The following EXOC4 variants were observed in gnomAD, a reference collection of about 807,000 sequenced individuals.
EXOC4 encodes the protein SEC8-like 1.
Under a neutral mutation model 107.2 loss-of-function variants are expected in EXOC4, and 71 were observed. The ratio of observed to expected loss-of-function variants is 0.66; its 90% CI spans 0.55 to 0.81. The LOEUF (loss-of-function observed/expected upper bound fraction) is 0.81, where lower values mean the gene tolerates loss of function less well. Among genes scored for constraint, EXOC4 ranks in the 30% least tolerant of loss-of-function variants. EXOC4 has a pLI of 0.00. For synonymous variants in EXOC4, 456 were observed against 441.2 expected (o/e 1.03, Z -0.42); for missense variants, 1,108 against 1,189.6 (o/e 0.93, Z 1.01).
intron 13 of EXOC4, among the ~76,000 whole-genome samples, chr7:133,922,730 C>G (rs901915509): frequency 2.0e-5 from 3 of 151,910 alleles, no homozygotes; most frequent in Non-Finnish European, 4.4e-5. Flanking sequence ...TGCCTGTAGT[C>G]CCCAGCTACT....
At chr7:133,736,532 G>C (rs1585112312) in intron 10 of EXOC4, among the ~76,000 whole-genome samples, 1 of 152,102 alleles carries the variant, frequency 6.6e-6, no homozygotes, top group Non-Finnish European at 1.5e-5. Flanking sequence ...CCTCCTAAAG[G>C]TTACATCAAC....
intron 7 of EXOC4, among the ~76,000 whole-genome samples, chr7:133,377,860 T>C (rs1417009064): frequency 1.3e-5 from 2 of 152,174 alleles, no homozygotes; most frequent in Admixed American, 1.3e-4. Context: ...TCAATGTATG[T>C]CAATCTAAGA....
chr7:133,683,345 T>C (rs1313222130), intron 10 of EXOC4, among the ~76,000 whole-genome samples: 1 of 152,190 alleles, frequency 6.6e-6, no homozygotes, highest in Non-Finnish European at 1.5e-5. Context: ...CAGTTTATTC[T>C]ACGTCTGACT....
intron 10 of EXOC4, among the ~76,000 whole-genome samples, chr7:133,755,243 A>ATATATT (rs1491326726): frequency 3.3e-5 from 3 of 91,064 alleles, no homozygotes; most frequent in Non-Finnish European, 6.5e-5. Context: ...TAATATATAT[A>ATATATT]ATATATATAT....
At chr7:133,803,289 C>T (rs1796990953) in intron 10 of EXOC4, among the ~76,000 whole-genome samples, 1 of 152,032 alleles carries the variant, frequency 6.6e-6, no homozygotes. Flanking sequence ...TTGAATTTTT[C>T]CATTACTTTG....
chr7:133,970,117 A>G (rs1257145530), intron 14 of EXOC4, among the ~76,000 whole-genome samples: 10 of 152,018 alleles, frequency 6.6e-5, no homozygotes, highest in Non-Finnish European at 1.3e-4. Flanking sequence ...GTCCAGTTCA[A>G]ACTTCCCAGT....
intron 14 of EXOC4, among the ~76,000 whole-genome samples, chr7:133,954,058 G>A (rs561532449): frequency 7.9e-5 from 12 of 152,308 alleles, no homozygotes; most frequent in African/African-American, 1.9e-4. Flanking sequence ...TATGTTCCAG[G>A]TGAAGTAGAT....
At chr7:133,421,552 A>G (rs1797607761) in intron 7 of EXOC4, among the ~76,000 whole-genome samples, 2 of 152,208 alleles carry the variant, frequency 1.3e-5, no homozygotes, top group Non-Finnish European at 2.9e-5. Context: ...TTATGGAGAA[A>G]GAGGGCCCAC....
chr7:133,389,403 T>A (rs1242679432), intron 7 of EXOC4, among the ~76,000 whole-genome samples: 1 of 151,824 alleles, frequency 6.6e-6, no homozygotes, highest in Admixed American at 6.6e-5. Context: ...AAACCCTGTC[T>A]CTACTAAAAA....
At chr7:133,810,640 A>ATTTTG (rs1402240732) in intron 10 of EXOC4, among the ~76,000 whole-genome samples, 2 of 147,594 alleles carry the variant, frequency 1.4e-5, no homozygotes, top group African/African-American at 5.1e-5. Context: ...ATTTTATTTT[A>ATTTTG]TTTTATTTTT....
intron 17 of EXOC4, among the ~76,000 whole-genome samples, chr7:134,038,194 A>C (rs142902405): frequency 6.6e-6 from 1 of 152,338 alleles, no homozygotes; most frequent in East Asian, 1.9e-4. Flanking sequence ...GTCTGAACTC[A>C]TTCAACTGAG....
intron 7 of EXOC4, among the ~76,000 whole-genome samples, chr7:133,386,401 A>G (rs1201490951): frequency 1.3e-5 from 2 of 152,116 alleles, no homozygotes; most frequent in African/African-American, 4.8e-5. Context: ...TTTCTCTTGT[A>G]TATCTTGCTT....
chr7:133,270,384 AT>A (rs1399356459), intron 1 of EXOC4, among the ~76,000 whole-genome samples: 1 of 152,222 alleles, frequency 6.6e-6, no homozygotes, highest in African/African-American at 2.4e-5. Flanking sequence ...TGCCTGGCAC[AT>A]AGTAAGTTCT....
intron 10 of EXOC4, among the ~76,000 whole-genome samples, chr7:133,661,678 AAAAAAAAAAAC>A (rs1386314255): frequency 1.8e-5 from 2 of 108,666 alleles, no homozygotes; most frequent in African/African-American, 3.4e-5. Flanking sequence ...AAACTAAAAA[AAAAAAAAAAAC>A]AAAAAAAAAA....
intron 5 of EXOC4, among the ~76,000 whole-genome samples, chr7:133,341,138 C>T (rs188174145): frequency 3.3e-5 from 5 of 152,158 alleles, no homozygotes. Flanking sequence ...TCTATTTGTG[C>T]TCTTTCAGAC....
chr7:133,945,116 A>T (rs181103357), intron 14 of EXOC4, among the ~76,000 whole-genome samples: 2 of 152,294 alleles, frequency 1.3e-5, no homozygotes, highest in East Asian at 3.9e-4. Flanking sequence ...ATACTGATGT[A>T]GAGATTTTGA....
chr7:133,635,910 C>T (rs1448163816), intron 10 of EXOC4, among the ~76,000 whole-genome samples: 1 of 152,144 alleles, frequency 6.6e-6, no homozygotes, highest in African/African-American at 2.4e-5. Context: ...TAATTACCTC[C>T]TTTAGAGAAT....
intron 4 of EXOC4, among the ~76,000 whole-genome samples, chr7:133,314,701 C>CA (rs1794950244): frequency 6.6e-6 from 1 of 152,102 alleles, no homozygotes; most frequent in Non-Finnish European, 1.5e-5. Context: ...AGTGTGCACA[C>CA]ACATAGTAAC....
At chr7:134,085,395 A>T in the EXOC4 span, among the ~76,000 whole-genome samples, 1 of 152,198 alleles carries the variant, frequency 6.6e-6, no homozygotes, top group Non-Finnish European at 1.5e-5. Context: ...CAAAAAATCC[A>T]AGGAGGATTT....
Sources: gnomAD v4.1 joint callset for allele counts (sites outside exome capture counted in the v4.1 genomes callset) on GRCh38, gnomAD v4.1.1 for gene constraint, MANE v1.5 for transcripts, NCBI Gene and HGNC (gene_info 2026-07-23, HGNC 2026-07-21) for gene names.